Variants in PARD3B observed in about 807,000 individuals in gnomAD.
PARD3B encodes the protein partitioning defective 3 homolog B.
A neutral mutation model predicts 130.2 loss-of-function variants in PARD3B; 103 were observed. The observed-to-expected ratio is 0.79, with a 90% CI of 0.67 to 0.93. PARD3B has a LOEUF of 0.93. Ranked by LOEUF, PARD3B falls within the 40% of genes least tolerant of loss-of-function variation. The pLI is 0.00. For missense variants in PARD3B, 1,609 were observed against 1,499.2 expected (o/e 1.07, Z -1.21); for synonymous variants, 583 against 553.2 (o/e 1.05, Z -0.76).
intron 21 of PARD3B, among the ~76,000 whole-genome samples, chr2:205,538,611 T>A (rs554644422): frequency 1.3e-5 from 2 of 152,130 alleles, no homozygotes; most frequent in African/African-American, 4.8e-5. Context: ...TAATTCCCTC[T>A]CTTTCTGTCT....
At chr2:204,895,868 G>A (rs2046624044) in intron 2 of PARD3B, among the ~76,000 whole-genome samples, 1 of 152,080 alleles carries the variant, frequency 6.6e-6, no homozygotes, top group Non-Finnish European at 1.5e-5. Flanking sequence ...GAGTTAGATG[G>A]GGGTCTACCT....
intron 2 of PARD3B, among the ~76,000 whole-genome samples, chr2:204,748,986 T>G (rs1574884938): frequency 6.6e-6 from 1 of 152,298 alleles, no homozygotes; most frequent in South Asian, 2.1e-4. Flanking sequence ...TTTATTTACT[T>G]GAGCCAACCC....
chr2:204,693,517 G>A (rs1219462677), intron 2 of PARD3B, among the ~76,000 whole-genome samples: 3 of 152,032 alleles, frequency 2.0e-5, no homozygotes, highest in African/African-American at 7.2e-5. Flanking sequence ...AAGTTAACAC[G>A]AAGTGTTCAG....
chr2:204,780,632 G>C (rs1191991213), intron 2 of PARD3B, among the ~76,000 whole-genome samples: 1 of 152,078 alleles, frequency 6.6e-6, no homozygotes, highest in Non-Finnish European at 1.5e-5. Context: ...TTTAATCCAA[G>C]ACTAGGGTAA....
At chr2:205,130,980 C>A (rs1052084521) in intron 10 of PARD3B, among the ~76,000 whole-genome samples, 2 of 152,102 alleles carry the variant, frequency 1.3e-5, no homozygotes, top group Admixed American at 6.6e-5. Flanking sequence ...CCTTAGCATG[C>A]GAGATGTGGT....
intron 4 of PARD3B, among the ~76,000 whole-genome samples, chr2:205,079,727 A>G (rs1701288712): frequency 1.3e-5 from 2 of 152,222 alleles, no homozygotes; most frequent in African/African-American, 4.8e-5. Flanking sequence ...AGTATACATA[A>G]ATAATGTGTG....
At chr2:205,331,493 T>C (rs2043127324) in intron 18 of PARD3B, among the ~76,000 whole-genome samples, 2 of 152,078 alleles carry the variant, frequency 1.3e-5, no homozygotes, top group South Asian at 4.1e-4. Context: ...TAGAAAAGCC[T>C]GTGTTGGGCC....
chr2:205,365,769 A>T (rs1341856918), intron 18 of PARD3B, among the ~76,000 whole-genome samples: 1 of 152,126 alleles, frequency 6.6e-6, no homozygotes, highest in Non-Finnish European at 1.5e-5. Context: ...GTCATTTCTT[A>T]CTTTCCTTTT....
chr2:205,555,590 A>G (rs1020434587), intron 22 of PARD3B, among the ~76,000 whole-genome samples: 35 of 152,178 alleles, frequency 2.3e-4, no homozygotes, highest in African/African-American at 8.0e-4. Flanking sequence ...GCTCTTTATG[A>G]ATGTATGAAT....
chr2:204,553,250 T>A (rs73057249), intron 1 of PARD3B, among the ~76,000 whole-genome samples: 1,672 of 152,056 alleles, frequency 0.011, 31 homozygotes, highest in African/African-American at 0.037. Context: ...CAAAAAATTT[T>A]AAAAAAATAG....
At chr2:205,505,514 A>G (rs575797357) in intron 21 of PARD3B, among the ~76,000 whole-genome samples, 1 of 152,356 alleles carries the variant, frequency 6.6e-6, no homozygotes, top group South Asian at 2.1e-4. Context: ...TAGCTCTGAA[A>G]AGCTGTAAAG....
intron 2 of PARD3B, among the ~76,000 whole-genome samples, chr2:204,719,822 A>G (rs1553511097): frequency 2.0e-5 from 3 of 152,222 alleles, no homozygotes; most frequent in Non-Finnish European, 4.4e-5. Context: ...AAATTATAGG[A>G]AATAAATAAT....
intron 4 of PARD3B, among the ~76,000 whole-genome samples, chr2:205,096,117 G>A (rs1702379895): frequency 6.6e-6 from 1 of 152,104 alleles, no homozygotes; most frequent in Non-Finnish European, 1.5e-5. Flanking sequence ...AAAACATTTG[G>A]TCAAATGAAT....
chr2:205,330,904 G>A (rs572223640), intron 18 of PARD3B, among the ~76,000 whole-genome samples: 1 of 152,190 alleles, frequency 6.6e-6, no homozygotes, highest in East Asian at 1.9e-4. Flanking sequence ...AGCAGACATA[G>A]TTTTATTGAG....
At chr2:205,574,446 G>A (rs1298738991) in intron 22 of PARD3B, among the ~76,000 whole-genome samples, 1 of 152,158 alleles carries the variant, frequency 6.6e-6, no homozygotes, top group Non-Finnish European at 1.5e-5. Flanking sequence ...TGTAAGCATT[G>A]TTATCCACGG....
chr2:205,380,813 T>C (rs1461406512), intron 18 of PARD3B, among the ~76,000 whole-genome samples: 6 of 95,740 alleles, frequency 6.3e-5, no homozygotes, highest in African/African-American at 9.9e-5. Context: ...ATAAAGAATA[T>C]ATTATATATT....
chr2:205,034,000 A>G (rs1253034605), intron 3 of PARD3B, among the ~76,000 whole-genome samples: 9 of 152,176 alleles, frequency 5.9e-5, no homozygotes, highest in Non-Finnish European at 1.3e-4. Flanking sequence ...CATGTGCTGC[A>G]TTAGTGTGAA....
intron 18 of PARD3B, among the ~76,000 whole-genome samples, chr2:205,343,669 C>T (rs886232895): frequency 2.0e-5 from 3 of 152,190 alleles, no homozygotes; most frequent in African/African-American, 7.2e-5. Flanking sequence ...TATAAAAGCA[C>T]AGTCCAGTCA....
At chr2:205,151,040 G>A (rs1280029557) in intron 10 of PARD3B, among the ~76,000 whole-genome samples, 1 of 152,196 alleles carries the variant, frequency 6.6e-6, no homozygotes, top group Non-Finnish European at 1.5e-5. Context: ...ATAAGGTAAT[G>A]CATATGTTAA....
Sources: allele counts gnomAD v4.1 joint callset (sites outside exome capture counted in the v4.1 genomes callset), GRCh38; gene constraint gnomAD v4.1.1; transcripts MANE v1.5; gene names NCBI Gene and HGNC (gene_info 2026-07-23, HGNC 2026-07-21).